Variants in NMNAT2 observed in about 807,000 individuals in gnomAD.
NMNAT2 encodes the protein nicotinamide/nicotinic acid mononucleotide adenylyltransferase 2.
Under a neutral mutation model 41.6 loss-of-function variants are expected in NMNAT2, and 11 were observed. That is an observed-to-expected ratio of 0.26 (90% CI 0.17 to 0.44). The LOEUF (loss-of-function observed/expected upper bound fraction) is 0.44, where lower values mean the gene tolerates loss of function less well. Ranked by LOEUF, NMNAT2 falls within the 20% of genes least tolerant of loss-of-function variation. NMNAT2 has a pLI of 1.00. For missense variants in NMNAT2, 288 were observed against 407.7 expected, an observed-to-expected ratio of 0.71 and a Z score of 2.53; for synonymous variants, 148 against 151.2, an observed-to-expected ratio of 0.98 and a Z score of 0.16.
chr1:183,272,503 A>G (rs986040004), intron 8 of NMNAT2, among the ~76,000 whole-genome samples: 7 of 152,210 alleles, frequency 4.6e-5, no homozygotes, highest in African/African-American at 1.7e-4. Context: ...CTGGTCAGAG[A>G]GGGTCAGAAT....
At chr1:183,320,145 G>A (rs1557877133) in intron 1 of NMNAT2, among the ~76,000 whole-genome samples, 1 of 152,226 alleles carries the variant, frequency 6.6e-6, no homozygotes, top group Admixed American at 6.5e-5. Flanking sequence ...GAAACAAGAT[G>A]AGAATCTTCT....
intron 1 of NMNAT2, among the ~76,000 whole-genome samples, chr1:183,348,428 A>T (rs919637148): frequency 5.3e-5 from 8 of 152,242 alleles, no homozygotes; most frequent in African/African-American, 1.7e-4. Context: ...TCCCCTGTAT[A>T]TAAGGAACTG....
At chr1:183,387,795 C>T (rs961691760) in intron 1 of NMNAT2, among the ~76,000 whole-genome samples, 4 of 152,194 alleles carry the variant, frequency 2.6e-5, no homozygotes, top group Admixed American at 6.5e-5. Flanking sequence ...ATATGTCTCA[C>T]GTAGAGGTAA....
chr1:183,289,132 G>A (rs953063469), intron 4 of NMNAT2, among the ~76,000 whole-genome samples: 4 of 152,198 alleles, frequency 2.6e-5, no homozygotes, highest in African/African-American at 4.8e-5. Context: ...CAGGAAGAAC[G>A]TGGTGACAGG....
At chr1:183,296,310 A>G (rs7545584) in intron 1 of NMNAT2, among the ~76,000 whole-genome samples, 83,575 of 151,562 alleles carry the variant, frequency 0.55, 24,311 homozygotes, top group Non-Finnish European at 0.64. Flanking sequence ...GAAGACGTAA[A>G]TTAGGGAATC....
intron 1 of NMNAT2, among the ~76,000 whole-genome samples, chr1:183,413,453 C>T (rs1649170160): frequency 6.6e-6 from 1 of 152,060 alleles, no homozygotes; most frequent in Non-Finnish European, 1.5e-5. Flanking sequence ...TGAGCATGCA[C>T]CCAGCCTAAG....
At chr1:183,330,689 G>T (rs1396817854) in intron 1 of NMNAT2, among the ~76,000 whole-genome samples, 6 of 152,170 alleles carry the variant, frequency 3.9e-5, no homozygotes, top group African/African-American at 1.4e-4. Flanking sequence ...ACAGTGCTGG[G>T]GCACCCCTGA....
intron 1 of NMNAT2, among the ~76,000 whole-genome samples, chr1:183,371,095 G>A (rs978777137): frequency 6.6e-5 from 10 of 152,228 alleles, no homozygotes; most frequent in African/African-American, 2.4e-4. Flanking sequence ...GCCAGGGGCA[G>A]GAGTGGTATA....
At position 183,389,169 on chromosome 1, in the gene NMNAT2, C is replaced by A. The variant is rs550812830; in HGVS notation, c.85+29014G>T. Among the ~76,000 whole-genome samples the A allele has an allele frequency of 1.2e-3, 177 of 152,286 alleles. 1 individual carries two copies. Among genetic ancestry groups the A allele is most frequent in the African/African-American group, 3.7e-3 (154 of 41,552 alleles). The stretch of plus-strand genomic sequence containing the variant: ...ATCCCTTCACCCTCTCACAGTATCA[C>A]CCCTCCAGCACTGCAGGTCCCCAGC... On this transcript the variant is annotated intron_variant, in intron 1 of 10. Coordinates refer to ENST00000287713, the MANE Select transcript of NMNAT2 (RefSeq NM_015039.4).
chr1:183,295,942 G>C (rs897180032), intron 1 of NMNAT2, among the ~76,000 whole-genome samples: 3 of 151,956 alleles, frequency 2.0e-5, no homozygotes, highest in Non-Finnish European at 4.4e-5. Flanking sequence ...TCCGCCTCCC[G>C]GGCTTAAGCG....
At chr1:183,259,626 G>T (rs1660606228) in intron 10 of NMNAT2, among the ~76,000 whole-genome samples, 1 of 152,020 alleles carries the variant, frequency 6.6e-6, no homozygotes, top group Non-Finnish European at 1.5e-5. Context: ...GTGTGATGGG[G>T]TCTCACTCTG....
chr1:183,366,875 A>T lies in NMNAT2; in HGVS notation c.85+51308T>A, dbSNP rs150275276. Among the ~76,000 whole-genome samples, 60 of 152,268 alleles carry T rather than the reference A, an allele frequency of 3.9e-4. 2 individuals carry two copies. In the East Asian group the frequency reaches 0.011, roughly 27 times the overall value. On this transcript the variant is annotated intron_variant, in intron 1 of 10. Transcript: ENST00000287713. ...ATATCTTACCTCCTCCTGTCAACCA[A>T]GCAAAACCGGCTTATCTGTCAACAT...
intron 1 of NMNAT2, among the ~76,000 whole-genome samples, chr1:183,395,757 A>T (rs2101923789): frequency 6.6e-6 from 1 of 152,294 alleles, no homozygotes; most frequent in Non-Finnish European, 1.5e-5. Flanking sequence ...TTTACAGTGT[A>T]TTGGGAGAGG....
At chr1:183,389,865 A>G (rs1462444928) in intron 1 of NMNAT2, among the ~76,000 whole-genome samples, 4 of 56,224 alleles carry the variant, frequency 7.1e-5, no homozygotes, top group Admixed American at 3.9e-4. Flanking sequence ...AAAGAAAGAA[A>G]GAAAGAAGGG....
chr1:183,264,816 C>A (rs1415949603), intron 8 of NMNAT2, among the ~76,000 whole-genome samples: 1 of 152,100 alleles, frequency 6.6e-6, no homozygotes, highest in African/African-American at 2.4e-5. Flanking sequence ...CATTGCCAGC[C>A]TTCACCAGGC....
intron 1 of NMNAT2, among the ~76,000 whole-genome samples, chr1:183,329,837 C>T (rs1038680775): frequency 6.6e-6 from 1 of 152,186 alleles, no homozygotes; most frequent in African/African-American, 2.4e-5. Context: ...TAATCTACTC[C>T]CTCCTCTGAA....
chr1:183,361,755 C>T (rs1298151354), intron 1 of NMNAT2, among the ~76,000 whole-genome samples: 1 of 152,068 alleles, frequency 6.6e-6, no homozygotes, highest in African/African-American at 2.4e-5. Flanking sequence ...TATCAAGAAC[C>T]TCATTTCTGA....
intron 1 of NMNAT2, chr1:183,304,897 A>G: frequency 1.4e-6 from 2 of 1,462,872 alleles, no homozygotes; most frequent in Admixed American, 4.4e-5. Flanking sequence ...TACAGCCAGG[A>G]AATGATTTAT....
At chr1:183,373,672 C>A (rs996811838) in intron 1 of NMNAT2, among the ~76,000 whole-genome samples, 4 of 150,054 alleles carry the variant, frequency 2.7e-5, no homozygotes, top group African/African-American at 9.8e-5. Context: ...GGCTGGAGTG[C>A]AGTGGTGCCA....
Sources: gnomAD v4.1 joint callset for allele counts (sites outside exome capture counted in the v4.1 genomes callset) on GRCh38, gnomAD v4.1.1 for gene constraint, MANE v1.5 for transcripts, NCBI Gene and HGNC (gene_info 2026-07-23, HGNC 2026-07-21) for gene names.